Variants in PLCB1 observed in about 807,000 individuals in gnomAD.
PLCB1 encodes phospholipase C beta 1.
In PLCB1, 46 loss-of-function variants were observed where a neutral mutation model predicts 161.8. The ratio of observed to expected loss-of-function variants is 0.28; its 90% confidence interval spans 0.22 to 0.36. The LOEUF (loss-of-function observed/expected upper bound fraction) is 0.36. Ranked by LOEUF, PLCB1 falls within the 10% of genes least tolerant of loss-of-function variation. PLCB1 has a pLI of 1.00. For missense variants in PLCB1, 1,016 were observed against 1,472.5 expected, an observed-to-expected ratio of 0.69 and a Z score of 5.07; for synonymous variants, 517 against 503.7, an observed-to-expected ratio of 1.03 and a Z score of -0.35.
At chr20:8,878,694 A>G (rs1032936850) in intron 31 of PLCB1, among the ~76,000 whole-genome samples, 2 of 152,086 alleles carry the variant, frequency 1.3e-5, no homozygotes, top group African/African-American at 4.8e-5. Flanking sequence ...CATTTTTACC[A>G]GATACCATTT....
intron 2 of PLCB1, among the ~76,000 whole-genome samples, chr20:8,228,619 C>T (rs1214882934): frequency 6.6e-6 from 1 of 152,090 alleles, no homozygotes; most frequent in African/African-American, 2.4e-5. Flanking sequence ...GTGATTCTCT[C>T]ACCTCAGCCT....
intron 2 of PLCB1, among the ~76,000 whole-genome samples, chr20:8,279,172 G>A (rs533210550): frequency 7.0e-4 from 107 of 152,168 alleles, no homozygotes; most frequent in Admixed American, 6.7e-3. Flanking sequence ...CAAAAGAATT[G>A]AAAGCAGGGA....
At chr20:8,407,253 G>GA (rs913630980) in intron 3 of PLCB1, among the ~76,000 whole-genome samples, 1 of 151,916 alleles carries the variant, frequency 6.6e-6, no homozygotes, top group Admixed American at 6.6e-5. Flanking sequence ...TGATAGGCTG[G>GA]AAAAAAACTC....
At chr20:8,780,897 G>T in intron 27 of PLCB1, among the ~76,000 whole-genome samples, 1 of 152,060 alleles carries the variant, frequency 6.6e-6, no homozygotes, top group Non-Finnish European at 1.5e-5. Flanking sequence ...ACAAGATAAT[G>T]CACCTAAAAT....
intron 3 of PLCB1, among the ~76,000 whole-genome samples, chr20:8,429,517 A>G (rs1234208368): frequency 1.3e-5 from 2 of 152,058 alleles, no homozygotes; most frequent in Non-Finnish European, 2.9e-5. Context: ...AATAGAGTCA[A>G]GCGCCATGCA....
At chr20:8,773,891 T>C (rs569843265) in intron 26 of PLCB1, among the ~76,000 whole-genome samples, 2 of 150,648 alleles carry the variant, frequency 1.3e-5, no homozygotes, top group South Asian at 4.2e-4. Context: ...GGAGAATCAC[T>C]CAAACGTGGG....
At chr20:8,224,633 G>A (rs553696849) in intron 2 of PLCB1, among the ~76,000 whole-genome samples, 2 of 152,196 alleles carry the variant, frequency 1.3e-5, no homozygotes, top group South Asian at 4.1e-4. Flanking sequence ...TGGTATTATA[G>A]CAAAGATACA....
intron 2 of PLCB1, among the ~76,000 whole-genome samples, chr20:8,234,168 G>A (rs1980208902): frequency 6.6e-6 from 1 of 152,116 alleles, no homozygotes; most frequent in Admixed American, 6.6e-5. Flanking sequence ...CAGCTCACGA[G>A]CTGGTGACAC....
intron 3 of PLCB1, among the ~76,000 whole-genome samples, chr20:8,490,239 CA>C (rs1568696501): frequency 2.0e-5 from 3 of 152,036 alleles, no homozygotes; most frequent in Non-Finnish European, 4.4e-5. Flanking sequence ...ATTTCTGAGC[CA>C]AAAAAATTAA....
intron 13 of PLCB1, 84 bp downstream of exon 13, chr20:8,716,432 A>T: frequency 1.0e-6 from 1 of 985,300 alleles, no homozygotes; most frequent in African/African-American, 1.6e-5. Context: ...TCCTTTTCAT[A>T]TTTATGTTTC....
chr20:8,861,728 C>CAAAAA (rs35862889), intron 31 of PLCB1, among the ~76,000 whole-genome samples: 1 of 108,190 alleles, frequency 9.2e-6, no homozygotes, highest in Non-Finnish European at 1.8e-5. Context: ...GACTCTACCT[C>CAAAAA]AAAAAAAAAA....
chr20:8,790,269 G>C lies in PLCB1; in HGVS notation c.3423+8G>C. On this transcript the variant is annotated splice_region_variant and intron_variant, in intron 31 of 31. Transcript: ENST00000338037. ...CTGGATGAAAAGCCCAAGGTAAACG[G>C]AACTGAATTAAAATGAACAATTATT... 6.3e-7 allele frequency: 1 copy of C among 1,597,248 alleles called. No individual in the cohort carries two copies. The highest frequency in any genetic ancestry group is 1.7e-5 in the Admixed American group (1 of 59,490).
intron 31 of PLCB1, among the ~76,000 whole-genome samples, chr20:8,878,225 A>C (rs541926755): frequency 1.2e-4 from 18 of 152,272 alleles, no homozygotes; most frequent in Admixed American, 5.9e-4. Flanking sequence ...AGAGAACAAC[A>C]ATCTGTTGTT....
At chr20:8,417,442 A>G (rs1162574457) in intron 3 of PLCB1, among the ~76,000 whole-genome samples, 2 of 139,872 alleles carry the variant, frequency 1.4e-5, no homozygotes, top group Non-Finnish European at 3.0e-5. Context: ...TGTACCAATA[A>G]TTCAGGGTTT....
chr20:8,404,394 A>G (rs1978696373), intron 3 of PLCB1, among the ~76,000 whole-genome samples: 1 of 152,172 alleles, frequency 6.6e-6, no homozygotes. Flanking sequence ...TTGAATGTCT[A>G]ATGATTTGCA....
At chr20:8,240,088 T>G (rs2123202011) in intron 2 of PLCB1, among the ~76,000 whole-genome samples, 1 of 152,040 alleles carries the variant, frequency 6.6e-6, no homozygotes, top group African/African-American at 2.4e-5. Context: ...TAGTGATTAC[T>G]TAGACTATGC....
chr20:8,825,120 G>T (rs1985627992), intron 31 of PLCB1, among the ~76,000 whole-genome samples: 2 of 152,208 alleles, frequency 1.3e-5, no homozygotes, highest in South Asian at 4.1e-4. Context: ...CAATATGCCA[G>T]TGACCAAGTT....
At chr20:8,622,225 G>T (rs1229382646) in intron 3 of PLCB1, among the ~76,000 whole-genome samples, 1 of 149,896 alleles carries the variant, frequency 6.7e-6, no homozygotes, top group African/African-American at 2.5e-5. Flanking sequence ...CTGCATTCCA[G>T]CCTGGTGACA....
intron 3 of PLCB1, among the ~76,000 whole-genome samples, chr20:8,492,772 T>G (rs1982998074): frequency 6.6e-6 from 1 of 151,962 alleles, no homozygotes; most frequent in Non-Finnish European, 1.5e-5. Context: ...ATTTTTCTTA[T>G]GCTGATTTAG....
Sources: allele counts gnomAD v4.1 joint callset (sites outside exome capture counted in the v4.1 genomes callset), GRCh38; gene constraint gnomAD v4.1.1; transcripts MANE v1.5; gene names NCBI Gene and HGNC (gene_info 2026-07-23, HGNC 2026-07-21).